HECW1: variants seen among roughly 807,000 people sequenced by gnomAD.
HECW1 encodes the protein E3 ubiquitin-protein ligase HECW1.
In HECW1, 61 loss-of-function variants were observed where a neutral mutation model predicts 182.3. The ratio of observed to expected loss-of-function variants is 0.33; its 90% CI spans 0.27 to 0.41. The LOEUF is 0.41. HECW1 is among the 10% of genes least tolerant of loss of function. HECW1 has a pLI of 1.00. For synonymous variants in HECW1, 859 were observed against 832.6 expected (o/e 1.03, Z -0.55); for missense variants, 1,739 against 2,108.9 (o/e 0.82, Z 3.44).
rs997596315 is a variant in HECW1, at chr7:43,371,512, T to C, written c.555+10532T>C. 7.2e-5 allele frequency among the ~76,000 whole-genome samples: 11 copies of C among 152,180 alleles called. No homozygotes were observed. The South Asian group carries it at 2.3e-3, about 32-fold the overall frequency. On this transcript the variant is annotated intron_variant, in intron 6 of 29. Transcript: ENST00000395891. ...AATGCTCCAATCAGAAAGCAAAAAT[T>C]CAAAAGTTTTATGGTACCCAGGGAT... is the stretch of plus-strand genomic sequence containing the variant.
chr7:43,203,502 A>T (rs183809349), intron 2 of HECW1, among the ~76,000 whole-genome samples: 47 of 152,256 alleles, frequency 3.1e-4, no homozygotes, highest in South Asian at 1.9e-3. Context: ...CCCAGGCTGG[A>T]GGGCAGTGGC....
intron 2 of HECW1, among the ~76,000 whole-genome samples, chr7:43,239,589 C>T (rs1481528900): frequency 6.6e-6 from 1 of 152,190 alleles, no homozygotes; most frequent in African/African-American, 2.4e-5. Flanking sequence ...CAGCTTGGCA[C>T]CTCCTGCTGG....
chr7:43,171,054 G>C (rs1791638168), intron 2 of HECW1, among the ~76,000 whole-genome samples: 1 of 152,164 alleles, frequency 6.6e-6, no homozygotes, highest in Admixed American at 6.5e-5. Flanking sequence ...CACTGTGGTT[G>C]GTCAGATGGG....
intron 2 of HECW1, among the ~76,000 whole-genome samples, chr7:43,206,256 C>T (rs1307227621): frequency 2.6e-5 from 4 of 152,166 alleles, no homozygotes; most frequent in South Asian, 2.1e-4. Flanking sequence ...ACACCAGGAA[C>T]GCGGCAGCTG....
chr7:43,520,115 T>C (rs1303852973), intron 24 of HECW1, among the ~76,000 whole-genome samples: 1 of 152,192 alleles, frequency 6.6e-6, no homozygotes, highest in Non-Finnish European at 1.5e-5. Flanking sequence ...TAGATATGCA[T>C]TCATCAATGC....
chr7:43,286,676 A>AC (rs773741801), intron 3 of HECW1, among the ~76,000 whole-genome samples: 10 of 151,532 alleles, frequency 6.6e-5, no homozygotes, highest in Admixed American at 4.6e-4. Flanking sequence ...ACTGCCACCC[A>AC]CCCCCCCAAA....
At chr7:43,391,074 AG>A (rs932237746) in intron 6 of HECW1, among the ~76,000 whole-genome samples, 1 of 152,200 alleles carries the variant, frequency 6.6e-6, no homozygotes, top group African/African-American at 2.4e-5. Flanking sequence ...AGACAAGATA[AG>A]GGTAATCATC....
chr7:43,430,941 C>G (rs1208087186), intron 8 of HECW1, among the ~76,000 whole-genome samples: 2 of 151,948 alleles, frequency 1.3e-5, no homozygotes, highest in Non-Finnish European at 2.9e-5. Flanking sequence ...GCCACTATGC[C>G]TGGCTAATTT....
At chr7:43,236,055 G>A (rs546451880) in intron 2 of HECW1, among the ~76,000 whole-genome samples, 1 of 152,122 alleles carries the variant, frequency 6.6e-6, no homozygotes, top group African/African-American at 2.4e-5. Flanking sequence ...AATTAATGAA[G>A]GAGGTACCTG....
At chr7:43,180,596 C>G (rs949635003) in intron 2 of HECW1, among the ~76,000 whole-genome samples, 1 of 152,108 alleles carries the variant, frequency 6.6e-6, no homozygotes, top group African/African-American at 2.4e-5. Context: ...GGGGTTTCAC[C>G]GTGTTAGCCA....
At chr7:43,186,966 TATTG>T (rs1793469243) in intron 2 of HECW1, among the ~76,000 whole-genome samples, 1 of 152,230 alleles carries the variant, frequency 6.6e-6, no homozygotes, top group Non-Finnish European at 1.5e-5. Flanking sequence ...GACATGAATG[TATTG>T]ATGATTTTCT....
intron 12 of HECW1, among the ~76,000 whole-genome samples, chr7:43,454,443 TC>T (rs2077334582): frequency 6.6e-6 from 1 of 152,236 alleles, no homozygotes; most frequent in African/African-American, 2.4e-5. Context: ...TACCTAGTAA[TC>T]ATATGTATAT....
intron 8 of HECW1, among the ~76,000 whole-genome samples, chr7:43,436,708 A>G (rs1183887671): frequency 6.6e-6 from 1 of 152,236 alleles, no homozygotes; most frequent in African/African-American, 2.4e-5. Context: ...GTATACGTGC[A>G]GATCACAGGG....
At chr7:43,470,270 G>A (rs2077965592) in intron 16 of HECW1, among the ~76,000 whole-genome samples, 1 of 152,212 alleles carries the variant, frequency 6.6e-6, no homozygotes, top group Non-Finnish European at 1.5e-5. Context: ...AACAGAAAGT[G>A]AAGGAGTGGC....
At chr7:43,186,226 A>G (rs957905248) in intron 2 of HECW1, among the ~76,000 whole-genome samples, 3 of 152,252 alleles carry the variant, frequency 2.0e-5, no homozygotes, top group African/African-American at 7.2e-5. Context: ...TTTATAAAAC[A>G]TAGCTCTAGC....
intron 2 of HECW1, among the ~76,000 whole-genome samples, chr7:43,143,188 C>T (rs1025845725): frequency 1.3e-5 from 2 of 152,132 alleles, no homozygotes; most frequent in Non-Finnish European, 2.9e-5. Flanking sequence ...CCAGACTGGT[C>T]GTGAACTCCT....
intron 21 of HECW1, among the ~76,000 whole-genome samples, chr7:43,506,526 T>G (rs1167018649): frequency 6.6e-6 from 1 of 152,182 alleles, no homozygotes; most frequent in Non-Finnish European, 1.5e-5. Context: ...ATTATAAAAG[T>G]CACTGAGAGA....
In HECW1 at chr7:43,488,070, G is replaced by A. The variant is rs187170960; in HGVS notation, c.3235-4005G>A. On this transcript the variant is annotated intron_variant, in intron 17 of 29. Coordinates refer to ENST00000395891, the MANE Select transcript of HECW1 (RefSeq NM_015052.5). Reference sequence around the variant, plus strand: ...AAAGCCTGTAATCCCAGCACTTTGGGAGACCGAGGCAGGCAGATCACCTGA... The same window carrying A: ...AAAGCCTGTAATCCCAGCACTTTGGAAGACCGAGGCAGGCAGATCACCTGA... Among the ~76,000 whole-genome samples, 386 of 152,140 alleles carry A rather than the reference G, an allele frequency of 2.5e-3. 1 individual carries two copies. Among genetic ancestry groups the A allele is most frequent in the African/African-American group, 8.8e-3 (367 of 41,508 alleles).
At chr7:43,379,299 C>G (rs772430797) in intron 6 of HECW1, among the ~76,000 whole-genome samples, 44 of 152,186 alleles carry the variant, frequency 2.9e-4, no homozygotes, top group Non-Finnish European at 5.7e-4. Context: ...CCCTCTCTCA[C>G]TGAGAAATGA....
Sources: gnomAD v4.1 joint callset for allele counts (sites outside exome capture counted in the v4.1 genomes callset) on GRCh38, gnomAD v4.1.1 for gene constraint, MANE v1.5 for transcripts, NCBI Gene and HGNC (gene_info 2026-07-23, HGNC 2026-07-21) for gene names.